Variants in FBXO7 observed in about 807,000 individuals in gnomAD.
FBXO7 encodes the protein F-box protein 7, also known as F-box only protein 7.
A neutral mutation model predicts 50.2 loss-of-function variants in FBXO7; 31 were observed. The observed-to-expected ratio is 0.62, with a 90% CI of 0.46 to 0.83. The LOEUF (loss-of-function observed/expected upper bound fraction) is 0.83. Ranked by LOEUF, FBXO7 falls within the 40% of genes least tolerant of loss-of-function variation. The pLI is 0.00. For missense variants in FBXO7, 667 were observed against 646.6 expected (o/e 1.03, Z -0.34); for synonymous variants, 256 against 253.1 (o/e 1.01, Z -0.11).
intron 8 of FBXO7, among the ~76,000 whole-genome samples, chr22:32,497,101 A>G (rs374955710): frequency 1.3e-5 from 2 of 152,234 alleles, no homozygotes; most frequent in African/African-American, 4.8e-5. Flanking sequence ...CTCACAGTCA[A>G]ACTTGAATGG....
intron 4 of FBXO7, among the ~76,000 whole-genome samples, chr22:32,485,536 C>T (rs2057493045): frequency 6.6e-6 from 1 of 152,128 alleles, no homozygotes; most frequent in Non-Finnish European, 1.5e-5. Context: ...GCCTATTACA[C>T]ATGAACTCCT....
rs1307517963 is a variant in FBXO7, at chr22:32,498,649, TC to T, written c.*122del. ...CTGATTGTGGTGTTGAGAGTTGCAC[TC>T]CCAGAAACCTTTTAAGAGATACATT... is the stretch of plus-strand genomic sequence containing the variant. On this transcript the variant is annotated 3_prime_UTR_variant, in exon 9 of 9. Transcript: ENST00000266087. 8.2e-7 allele frequency: 1 copy of T among 1,223,336 alleles called. No homozygotes were observed. Among genetic ancestry groups the T allele is most frequent in the African/African-American group, 1.5e-5 (1 of 66,742 alleles). 75.8% of individuals were successfully genotyped at this position (1,223,336 alleles called of 1,614,324 possible).
At chr22:32,484,707 A>G (rs2057487446) in intron 3 of FBXO7, among the ~76,000 whole-genome samples, 1 of 152,160 alleles carries the variant, frequency 6.6e-6, no homozygotes, top group Admixed American at 6.5e-5. Flanking sequence ...ATGGCAAACA[A>G]TTTTTCTTTG....
intron 4 of FBXO7, 146 bp downstream of exon 4, chr22:32,485,355 C>T: frequency 9.4e-7 from 1 of 1,068,718 alleles, no homozygotes; most frequent in Non-Finnish European, 1.4e-6. Flanking sequence ...CCACTGATAA[C>T]ATGTGTCTGG....
In FBXO7 at chr22:32,483,981, C is replaced by T; in HGVS notation, c.502C>T (p.Pro168Ser). Residue 168 changes from proline to serine, a missense_variant, in exon 3 of 9, where the codon CCC becomes TCC. Physicochemically the swap from Pro to Ser is moderately conservative, Grantham distance 74. Transcript: ENST00000266087. ...GGGCACAGGTTTCTATCCCTCAGAA[C>T]CCATGCTCTGTAGTGAATCGGTGGA... ...AEGTGFYPSE[P>S]MLCSESVEGQ... 2 of 1,614,172 alleles carry T rather than the reference C, an allele frequency of 1.2e-6. No individual in the cohort carries two copies. The highest frequency in any genetic ancestry group is 1.1e-5 in the South Asian group (1 of 91,086).
Position 32,498,768 on chromosome 22 carries a change from C to T in FBXO7, c.*238C>T, listed in dbSNP as rs2146010122. 5.3e-6 allele frequency: 3 copies of T among 569,596 alleles called. No homozygotes were observed. The highest frequency in any genetic ancestry group is 3.1e-5 in the Admixed American group (1 of 32,552). 35.3% of individuals were successfully genotyped at this position (569,596 alleles called of 1,614,324 possible). A position where few individuals can be genotyped will look rare whatever the true frequency, so the allele number is the denominator to read the frequency against. ...TGCCAATCTCCCTGCTCTTGGTTCT[C>T]CTCTAGATTGAAGTTTGTTTTCTGA... On this transcript the variant is annotated 3_prime_UTR_variant, in exon 9 of 9. Coordinates refer to ENST00000266087, the MANE Select transcript of FBXO7 (RefSeq NM_012179.4).
At chr22:32,476,116 A>G (rs2057426900) in intron 1 of FBXO7, among the ~76,000 whole-genome samples, 1 of 152,132 alleles carries the variant, frequency 6.6e-6, no homozygotes, top group South Asian at 2.1e-4. Context: ...AATTGGGTAA[A>G]ATGAGGCCGT....
intron 2 of FBXO7, among the ~76,000 whole-genome samples, chr22:32,480,447 C>T (rs1167229772): frequency 1.3e-5 from 2 of 151,816 alleles, no homozygotes; most frequent in Non-Finnish European, 2.9e-5. Context: ...AGCACATTCA[C>T]CTGCTTGCAT....
At chr22:32,492,297 C>T (rs1161996692) in intron 6 of FBXO7, 1 of 152,150 alleles carries the variant, frequency 6.6e-6, no homozygotes, top group African/African-American at 2.4e-5. Context: ...GTAGTCTTCT[C>T]TGTAGTTGGT....
chr22:32,492,150 A>G (rs1410065737), intron 6 of FBXO7: 1 of 152,242 alleles, frequency 6.6e-6, no homozygotes, highest in Non-Finnish European at 1.5e-5. Flanking sequence ...ACCATAATAC[A>G]ATCTACCACA....
intron 7 of FBXO7, among the ~76,000 whole-genome samples, chr22:32,493,743 G>C (rs1308346604): frequency 6.6e-6 from 1 of 152,060 alleles, no homozygotes; most frequent in African/African-American, 2.4e-5. Flanking sequence ...TTGTGCATCA[G>C]GATTTCCTGC....
At chr22:32,495,680 TTTTAC>T (rs1192327624) in intron 8 of FBXO7, 150 bp downstream of exon 8, 5 of 454,512 alleles carry the variant, frequency 1.1e-5, no homozygotes, top group African/African-American at 2.0e-5. Flanking sequence ...TGTTTTCAAC[TTTTAC>T]TTTAGACTCA....
chr22:32,475,589 T>C (rs1045866029), intron 1 of FBXO7: 1 of 735,470 alleles, frequency 1.4e-6, no homozygotes, highest in Non-Finnish European at 2.1e-6. Flanking sequence ...TGGAAATTGC[T>C]AGAAGTTAAA....
At chr22:32,496,003 T>C (rs2057572066) in intron 8 of FBXO7, among the ~76,000 whole-genome samples, 2 of 152,200 alleles carry the variant, frequency 1.3e-5, no homozygotes, top group South Asian at 2.1e-4. Flanking sequence ...ACACAACAGA[T>C]TTTCAGTGTA....
chr22:32,491,282 T>C, intron 6 of FBXO7, 101 bp downstream of exon 6: 1 of 846,722 alleles, frequency 1.2e-6, no homozygotes, highest in Admixed American at 2.0e-5. Flanking sequence ...TCTTTTCTGC[T>C]CCTGGCGAAA....
chr22:32,476,432 G>T (rs1367867951), intron 1 of FBXO7, among the ~76,000 whole-genome samples: 4 of 152,078 alleles, frequency 2.6e-5, no homozygotes. Flanking sequence ...TTGAAAGGAC[G>T]TGAAACTCAA....
intron 1 of FBXO7, chr22:32,475,381 G>T (rs749606986): frequency 1.2e-6 from 2 of 1,611,578 alleles, no homozygotes; most frequent in South Asian, 1.1e-5. Context: ...CCTCCCGGGG[G>T]CTCTGGTCCC....
At chr22:32,493,670 T>A (rs1482296580) in intron 7 of FBXO7, among the ~76,000 whole-genome samples, 1 of 152,212 alleles carries the variant, frequency 6.6e-6, no homozygotes, top group Non-Finnish European at 1.5e-5. Flanking sequence ...TAGGGTAGCT[T>A]TATTTCTGTA....
intron 2 of FBXO7, among the ~76,000 whole-genome samples, chr22:32,480,006 T>C (rs1411898132): frequency 6.6e-6 from 1 of 152,244 alleles, no homozygotes; most frequent in African/African-American, 2.4e-5. Flanking sequence ...ATATGTGTGC[T>C]CAGTTCCCTT....
Sources: allele counts gnomAD v4.1 joint callset (sites outside exome capture counted in the v4.1 genomes callset), GRCh38; gene constraint gnomAD v4.1.1; transcripts MANE v1.5; gene names NCBI Gene and HGNC (gene_info 2026-07-23, HGNC 2026-07-21).